ZFAND6: variants seen among roughly 807,000 people sequenced by gnomAD.
The protein encoded by ZFAND6 is AN1-type zinc finger protein 6.
A neutral mutation model predicts 24.5 loss-of-function variants in ZFAND6; 12 were observed. The observed-to-expected ratio is 0.49, with a 90% CI of 0.31 to 0.79. The LOEUF (loss-of-function observed/expected upper bound fraction) is 0.79, where lower values mean the gene tolerates loss of function less well. Among genes scored for constraint, ZFAND6 ranks in the 30% least tolerant of loss-of-function variants. ZFAND6 has a pLI of 0.04. For missense variants in ZFAND6, 207 were observed against 245.9 expected (o/e 0.84, Z 1.06); for synonymous variants, 92 against 81.5 (o/e 1.13, Z -0.69).
chr15:80,089,293 GTC>G (rs2038204204), intron 1 of ZFAND6, among the ~76,000 whole-genome samples: 1 of 117,536 alleles, frequency 8.5e-6, no homozygotes, highest in Admixed American at 1.1e-4. Context: ...TTGAGACAGA[GTC>G]TCTGTCACCC....
In ZFAND6 at chr15:80,098,461, A is replaced by C. The variant is rs2038858122; in HGVS notation, c.-135A>C. ...GCAGTAAAACACAGAAGGCTTTAAA[A>C]TGTTTTCTTGCATAAAATTCAAAAC... is the stretch of plus-strand genomic sequence containing the variant. On this transcript the variant is annotated 5_prime_UTR_variant, in exon 2 of 7. An upstream start codon of the reference 5' UTR is lost. Transcript: ENST00000261749. The C allele has an allele frequency of 6.6e-6, 1 of 152,198 alleles. No homozygotes were observed. The highest frequency in any genetic ancestry group is 1.5e-5 in the Non-Finnish European group (1 of 68,022). The allele number at this position is 152,198 out of a possible 1,614,324, so 9.4% of individuals were successfully genotyped here.
intron 1 of ZFAND6, among the ~76,000 whole-genome samples, chr15:80,090,800 T>C (rs1213419062): frequency 6.6e-6 from 1 of 152,216 alleles, no homozygotes; most frequent in Non-Finnish European, 1.5e-5. Context: ...GATTTTGAGA[T>C]ACCATTCTAG....
At chr15:80,110,069 A>G (rs1173913697) in intron 2 of ZFAND6, among the ~76,000 whole-genome samples, 1 of 152,190 alleles carries the variant, frequency 6.6e-6, no homozygotes, top group Non-Finnish European at 1.5e-5. Context: ...TTTCTCTGTG[A>G]AATGGCCCTC....
intron 2 of ZFAND6, chr15:80,112,759 T>C (rs1046966105): frequency 8.8e-6 from 4 of 455,896 alleles, no homozygotes; most frequent in Admixed American, 7.1e-5. Context: ...CATGTCTCTT[T>C]ATTACCCATG....
intron 2 of ZFAND6, 57 bp from the exon 3 acceptor site, chr15:80,120,271 A>C: frequency 2.2e-6 from 3 of 1,347,596 alleles, no homozygotes; most frequent in Non-Finnish European, 2.9e-6. Flanking sequence ...AGTTTTGGAT[A>C]ATGTGTGATT....
intron 1 of ZFAND6, among the ~76,000 whole-genome samples, chr15:80,068,961 T>G (rs2036822060): frequency 6.6e-6 from 1 of 152,244 alleles, no homozygotes; most frequent in Non-Finnish European, 1.5e-5. Context: ...CTGTTAACTT[T>G]TGAATGTTAT....
At chr15:80,114,952 A>G (rs758324496) in intron 2 of ZFAND6, 21 of 152,348 alleles carry the variant, frequency 1.4e-4, no homozygotes, top group Non-Finnish European at 2.9e-4. Context: ...TCAGAAAATT[A>G]TAGGTTTTCA....
At chr15:80,083,080 C>G (rs1005125782) in intron 1 of ZFAND6, among the ~76,000 whole-genome samples, 3 of 152,154 alleles carry the variant, frequency 2.0e-5, no homozygotes, top group African/African-American at 7.2e-5. Context: ...CAAGCTCCGC[C>G]TCCTGGGTTC....
intron 6 of ZFAND6, 119 bp downstream of exon 6, chr15:80,131,412 C>T: frequency 4.1e-6 from 3 of 730,342 alleles, no homozygotes; most frequent in Non-Finnish European, 2.1e-6. Context: ...ATTGGATATA[C>T]TTCACCTTCT....
chr15:80,098,762 T>G (rs1273239233), intron 2 of ZFAND6, among the ~76,000 whole-genome samples, 184 bp downstream of exon 2: 1 of 152,152 alleles, frequency 6.6e-6, no homozygotes, highest in Non-Finnish European at 1.5e-5. Flanking sequence ...ATAAAATAAT[T>G]TGTGCAATAA....
intron 5 of ZFAND6, chr15:80,130,931 C>T: frequency 2.6e-6 from 1 of 380,228 alleles, no homozygotes. Context: ...ACAGTTAAAA[C>T]CTAAAGAAAG....
At chr15:80,134,495 A>G (rs188013400) in intron 6 of ZFAND6, among the ~76,000 whole-genome samples, 1 of 152,228 alleles carries the variant, frequency 6.6e-6, no homozygotes, top group Non-Finnish European at 1.5e-5. Flanking sequence ...GAACCCCAAT[A>G]GAGGGAACAT....
At chr15:80,131,339 A>T (rs763718806) in intron 6 of ZFAND6, 46 bp downstream of exon 6, 1 of 1,512,896 alleles carries the variant, frequency 6.6e-7, no homozygotes, top group South Asian at 1.1e-5. Context: ...ATGTTTTATA[A>T]TAATGCATAG....
At chr15:80,083,181 C>CGGGG (rs2141864522) in intron 1 of ZFAND6, among the ~76,000 whole-genome samples, 1 of 152,056 alleles carries the variant, frequency 6.6e-6, no homozygotes, top group African/African-American at 2.4e-5. Flanking sequence ...TTAGTAGAGA[C>CGGGG]GGGGTTTCAC....
intron 1 of ZFAND6, among the ~76,000 whole-genome samples, chr15:80,072,227 G>A (rs2037017265): frequency 6.6e-6 from 1 of 151,902 alleles, no homozygotes; most frequent in Non-Finnish European, 1.5e-5. Flanking sequence ...CACCTTCATT[G>A]CTCCATAAAA....
intron 1 of ZFAND6, among the ~76,000 whole-genome samples, chr15:80,092,759 T>C (rs1469988812): frequency 6.6e-6 from 1 of 152,160 alleles, no homozygotes; most frequent in African/African-American, 2.4e-5. Flanking sequence ...TTAAAAATTG[T>C]TTAAATTTGA....
chr15:80,067,616 C>T (rs2141799517), intron 1 of ZFAND6, among the ~76,000 whole-genome samples: 1 of 152,224 alleles, frequency 6.6e-6, no homozygotes, highest in East Asian at 1.9e-4. Flanking sequence ...ATTAAAAATT[C>T]AGTTCCTCAT....
intron 2 of ZFAND6, among the ~76,000 whole-genome samples, chr15:80,119,953 A>G (rs2040073918): frequency 6.6e-6 from 1 of 152,220 alleles, no homozygotes; most frequent in Non-Finnish European, 1.5e-5. Flanking sequence ...ATATTAGATA[A>G]TATAACATAC....
rs1330445294 is a variant in ZFAND6 at position 80,126,924 on chromosome 15, G to A, written c.364+4124G>A. On this transcript the variant is annotated intron_variant, in intron 5 of 6. Coordinates refer to ENST00000261749, the MANE Select transcript of ZFAND6 (RefSeq NM_019006.4). ...GCTCAAGAGTTTGAAACCAGCCTGG[G>A]CAACATGGCAAAACCCCATCTGTAC... Among the ~76,000 whole-genome samples the A allele has an allele frequency of 5.3e-5, 8 of 151,946 alleles. No homozygotes were observed. The East Asian group carries it at 1.4e-3, about 26-fold the overall frequency.
Sources: allele counts gnomAD v4.1 joint callset (sites outside exome capture counted in the v4.1 genomes callset), GRCh38; gene constraint gnomAD v4.1.1; transcripts MANE v1.5; gene names NCBI Gene and HGNC (gene_info 2026-07-23, HGNC 2026-07-21).